SP3: variants seen among roughly 807,000 people sequenced by gnomAD.
The protein encoded by SP3 is transcription factor Sp3.
SP3 carries 10 observed loss-of-function variants against 70.3 expected under a neutral mutation model. The observed-to-expected ratio is 0.14, with a 90% CI of 0.09 to 0.24. SP3 has a LOEUF of 0.24. Among genes scored for constraint, SP3 ranks in the 10% least tolerant of loss-of-function variants. The pLI, the probability that SP3 is intolerant of heterozygous loss-of-function variation, is 1.00. For missense variants in SP3, 825 were observed against 914.6 expected, an observed-to-expected ratio of 0.90 and a Z score of 1.26; for synonymous variants, 402 against 333.5, an observed-to-expected ratio of 1.21 and a Z score of -2.24.
rs2063702 is a variant in SP3 at position 173,903,373 on chromosome 2, G to A, written c.*6568C>T. 0.96 allele frequency among the ~76,000 whole-genome samples: 146,732 copies of A among 152,322 alleles called. 70,935 individuals carry two copies. The highest frequency in any genetic ancestry group is 1 in the East Asian group (5,182 of 5,182). ...GTGAAAGGTCACATAGGTGGTAAGC[G>A]GCAGAACTGGGAGACAAGCAAGCCC... is the stretch of plus-strand genomic sequence containing the variant. On this transcript the variant is annotated 3_prime_UTR_variant, in exon 7 of 7. Coordinates refer to ENST00000310015, the MANE Select transcript of SP3 (RefSeq NM_003111.5).
At chr2:173,921,325 C>G (rs1689747608) in intron 4 of SP3, among the ~76,000 whole-genome samples, 1 of 152,126 alleles carries the variant, frequency 6.6e-6, no homozygotes, top group South Asian at 2.1e-4. Flanking sequence ...ATTCACTCAA[C>G]AACTATATGT....
At chr2:173,964,659 C>T (rs2105510991) in intron 1 of SP3, 106 bp from the exon 2 acceptor site, 1 of 492,952 alleles carries the variant, frequency 2.0e-6, no homozygotes, top group Non-Finnish European at 3.5e-6. Flanking sequence ...CGGACCCAGG[C>T]CCCTTCCCCT....
Position 173,956,077 on chromosome 2 carries a change from A to G in SP3, c.435T>C (p.Asn145=), listed in dbSNP as rs1690882932. 3 of 1,614,046 alleles carry G rather than the reference A, an allele frequency of 1.9e-6. No individual in the cohort carries two copies. The highest frequency in any genetic ancestry group is 2.5e-6 in the Non-Finnish European group (3 of 1,180,028). ...SSGQYVLPLQ[N]LQNQQIFSVA... is the part of the protein sequence containing the mutation. ...CGGAAAATATTTGTTGATTCTGCAA[A>G]TTCTGAAGGGGAAGAACATACTGCC... The change falls in exon 4 of 7, where the codon AAT becomes AAC. Residue 145 remains asparagine (N), a synonymous_variant. Transcript: ENST00000310015.
chr2:173,945,752 C>G (rs1476331310), intron 4 of SP3, among the ~76,000 whole-genome samples: 1 of 152,136 alleles, frequency 6.6e-6, no homozygotes, highest in Non-Finnish European at 1.5e-5. Flanking sequence ...ACACCTCCCC[C>G]AGGGGTCTCA....
At position 173,965,331 on chromosome 2, in the gene SP3, C is replaced by G; in HGVS notation, c.-160G>C. On this transcript the variant is annotated 5_prime_UTR_variant, in exon 1 of 7. Coordinates refer to ENST00000310015, the MANE Select transcript of SP3 (RefSeq NM_003111.5). ...ATTTTGATTGACTGTGCGGGAAACA[C>G]AAAAGGTGGAGCCTCCAGCCCAAAA... 3 of 826,754 alleles carry G rather than the reference C, an allele frequency of 3.6e-6. No individual in the cohort carries two copies. Among genetic ancestry groups the G allele is most frequent in the Admixed American group, 2.7e-5 (1 of 36,706 alleles). 51.2% of individuals were successfully genotyped at this position (826,754 alleles called of 1,614,324 possible).
At chr2:173,927,063 G>A (rs533750042) in intron 4 of SP3, among the ~76,000 whole-genome samples, 1 of 151,890 alleles carries the variant, frequency 6.6e-6, no homozygotes, top group Non-Finnish European at 1.5e-5. Context: ...ACATGACCAG[G>A]GCAGCAAGAG....
intron 4 of SP3, among the ~76,000 whole-genome samples, chr2:173,931,176 G>A (rs186770364): frequency 1.7e-4 from 26 of 152,268 alleles, no homozygotes; most frequent in African/African-American, 4.8e-4. Flanking sequence ...TCAGTAAATC[G>A]TAATCTTTTT....
rs115639553 is a variant in SP3, at chr2:173,947,177, G to A, written c.1639+7696C>T. Among the ~76,000 whole-genome samples, 490 of 152,240 alleles carry A rather than the reference G, an allele frequency of 3.2e-3. 2 individuals carry two copies. The highest frequency in any genetic ancestry group is 0.011 in the African/African-American group (458 of 41,540). ...TGAAATAAAACTTGATCTGTAGATT[G>A]TACTTCTTCAACACAAGAAAATTCT... On this transcript the variant is annotated intron_variant, in intron 4 of 6. Coordinates refer to ENST00000310015, the MANE Select transcript of SP3 (RefSeq NM_003111.5).
intron 6 of SP3, among the ~76,000 whole-genome samples, chr2:173,911,720 T>G (rs1689487665): frequency 6.6e-6 from 1 of 152,050 alleles, no homozygotes; most frequent in South Asian, 2.1e-4. Context: ...CATCATAAGA[T>G]CTATTATCCC....
chr2:173,951,195 T>C (rs1281319358), intron 4 of SP3, among the ~76,000 whole-genome samples: 3 of 152,208 alleles, frequency 2.0e-5, no homozygotes, highest in Non-Finnish European at 4.4e-5. Flanking sequence ...TAGAACGCTG[T>C]AACATTAATT....
intron 5 of SP3, chr2:173,914,142 A>C (rs1228602228): frequency 6.8e-6 from 1 of 146,760 alleles, no homozygotes; most frequent in African/African-American, 2.6e-5. Flanking sequence ...TAAACACTAC[A>C]GAAAATGTTA....
chr2:173,953,260 TCCA>T (rs772282840), intron 4 of SP3, among the ~76,000 whole-genome samples: 6 of 152,244 alleles, frequency 3.9e-5, no homozygotes, highest in Non-Finnish European at 7.3e-5. Context: ...AGCAGTTTTA[TCCA>T]CCACCACTGA....
At chr2:173,944,662 G>T (rs1690481618) in intron 4 of SP3, among the ~76,000 whole-genome samples, 1 of 152,208 alleles carries the variant, frequency 6.6e-6, no homozygotes, top group Non-Finnish European at 1.5e-5. Context: ...ACACTCTAAT[G>T]AAGAGCACAC....
In SP3 at chr2:173,964,709, C is replaced by T. The variant is rs1257121489; in HGVS notation, c.8-156G>A. ...CCGGCGGCGGCGGCGGCGGCGGCTC[C>T]CTCCTCCCCTCCTGCTGCTGCCCCC... is the stretch of plus-strand genomic sequence containing the variant. On this transcript the variant is annotated intron_variant, in intron 1 of 6. Transcript: ENST00000310015. 14 of 363,788 alleles carry T rather than the reference C, an allele frequency of 3.8e-5. No homozygotes were observed. In the Middle Eastern group the frequency reaches 2.4e-3, roughly 61 times the overall value. 22.5% of individuals were successfully genotyped at this position (363,788 alleles called of 1,614,324 possible).
chr2:173,915,870 C>T (rs1574398250), intron 5 of SP3: 3 of 152,128 alleles, frequency 2.0e-5, no homozygotes, highest in East Asian at 1.9e-4. Flanking sequence ...TTATATTTTA[C>T]ACCTTACTTT....
At chr2:173,943,970 G>C (rs1178824329) in intron 4 of SP3, among the ~76,000 whole-genome samples, 1 of 152,142 alleles carries the variant, frequency 6.6e-6, no homozygotes, top group Non-Finnish European at 1.5e-5. Flanking sequence ...GAGTACTATA[G>C]GCAACTGTAA....
Position 173,903,471 on chromosome 2 carries a change from T to C in SP3, c.*6470A>G, listed in dbSNP as rs181088318. Among the ~76,000 whole-genome samples the C allele has an allele frequency of 6.6e-6, 1 of 152,062 alleles. No homozygotes were observed. The highest frequency in any genetic ancestry group is 1.9e-4 in the East Asian group (1 of 5,192). On this transcript the variant is annotated 3_prime_UTR_variant, in exon 7 of 7. Transcript: ENST00000310015. ...TATGAAAGGTTTCAACTTTACTAAA[T>C]GAATAAAGATGGAAAAAAACACACA... is the stretch of plus-strand genomic sequence containing the variant.
intron 4 of SP3, among the ~76,000 whole-genome samples, chr2:173,942,715 A>G (rs1031481967): frequency 3.3e-5 from 5 of 152,186 alleles, no homozygotes; most frequent in East Asian, 1.9e-4. Flanking sequence ...TAACAAAGCC[A>G]TAACAGACTT....
chr2:173,911,245 G>A (rs542544136), intron 6 of SP3, among the ~76,000 whole-genome samples: 1 of 151,642 alleles, frequency 6.6e-6, no homozygotes, highest in Admixed American at 6.5e-5. Context: ...GAAATGCAAG[G>A]GTAACTTGCA....
Sources: allele counts gnomAD v4.1 joint callset (sites outside exome capture counted in the v4.1 genomes callset), GRCh38; gene constraint gnomAD v4.1.1; transcripts MANE v1.5; gene names NCBI Gene and HGNC (gene_info 2026-07-23, HGNC 2026-07-21).